Variants in KIZ observed in about 807,000 individuals in gnomAD.
The protein encoded by KIZ is kizuna centrosomal protein.
A neutral mutation model predicts 79.6 loss-of-function variants in KIZ; 68 were observed. That is an observed-to-expected ratio of 0.85 (90% CI 0.70 to 1.05). KIZ has a LOEUF of 1.05. Among genes scored for constraint, KIZ ranks in the 50% least tolerant of loss-of-function variants. The pLI is 0.00. For synonymous variants in KIZ, 280 were observed against 281.8 expected, an observed-to-expected ratio of 0.99 and a Z score of 0.06; for missense variants, 797 against 800.4, an observed-to-expected ratio of 1.00 and a Z score of 0.05.
chr20:21,128,472 A>C (rs978953579), intron 1 of KIZ, among the ~76,000 whole-genome samples: 2 of 151,580 alleles, frequency 1.3e-5, no homozygotes, highest in Admixed American at 1.3e-4. Context: ...ACAAAAAAAA[A>C]CTCCCTCTTT....
chr20:21,158,237 G>C (rs1322849130), intron 4 of KIZ, among the ~76,000 whole-genome samples: 1 of 152,096 alleles, frequency 6.6e-6, no homozygotes, highest in Non-Finnish European at 1.5e-5. Flanking sequence ...ATTCATATTG[G>C]TGAGTCAGAA....
intron 7 of KIZ, among the ~76,000 whole-genome samples, chr20:21,209,569 C>A (rs2035978791): frequency 1.4e-5 from 1 of 73,424 alleles, no homozygotes; most frequent in Admixed American, 1.4e-4. Context: ...ATATGAATAT[C>A]TTCTCATTTA....
intron 6 of KIZ, among the ~76,000 whole-genome samples, 186 bp downstream of exon 6, chr20:21,163,345 C>T (rs1183856484): frequency 6.6e-6 from 1 of 152,000 alleles, no homozygotes; most frequent in African/African-American, 2.4e-5. Flanking sequence ...TCTTTCCTTC[C>T]TCCCTTCCTT....
intron 11 of KIZ, among the ~76,000 whole-genome samples, chr20:21,238,676 A>G (rs1490594221): frequency 6.6e-6 from 1 of 151,548 alleles, no homozygotes; most frequent in Non-Finnish European, 1.5e-5. Context: ...AGCCAACCCC[A>G]CTGTTGCCTT....
At chr20:21,136,322 A>G in intron 2 of KIZ, 68 bp from the exon 3 acceptor site, 1 of 943,576 alleles carries the variant, frequency 1.1e-6, no homozygotes, top group Non-Finnish European at 1.6e-6. Flanking sequence ...ATTTTGATGA[A>G]GAAAATTCCC....
chr20:21,163,235 T>G (rs1473763060), intron 6 of KIZ, 76 bp downstream of exon 6: 1 of 1,000,128 alleles, frequency 1.0e-6, no homozygotes, highest in African/African-American at 1.6e-5. Context: ...CCACTGGGAA[T>G]GTATTATCGA....
chr20:21,232,300 T>C lies in KIZ; in HGVS notation c.1784-434T>C, dbSNP rs77445344. On this transcript the variant is annotated intron_variant, in intron 10 of 12. Transcript: ENST00000619189. Reference sequence around the variant, plus strand: ...TCTTTCTCCTCTGTGGGATGGAAAATAGAGGATTTTACAGAGGGGCTTAAG... The same window carrying C: ...TCTTTCTCCTCTGTGGGATGGAAAACAGAGGATTTTACAGAGGGGCTTAAG... Among the ~76,000 whole-genome samples the C allele has an allele frequency of 7.7e-3, 1,164 of 152,056 alleles. 17 individuals carry two copies. Among genetic ancestry groups the C allele is most frequent in the African/African-American group, 0.027 (1,116 of 41,474 alleles).
intron 6 of KIZ, among the ~76,000 whole-genome samples, chr20:21,176,683 C>T (rs2034450152): frequency 6.6e-6 from 1 of 151,940 alleles, no homozygotes; most frequent in African/African-American, 2.4e-5. Context: ...GATTAATATG[C>T]TAGGGCTCTA....
At chr20:21,178,738 A>G (rs2034533468) in intron 6 of KIZ, among the ~76,000 whole-genome samples, 1 of 152,142 alleles carries the variant, frequency 6.6e-6, no homozygotes, top group Non-Finnish European at 1.5e-5. Flanking sequence ...AAGCTGAGGT[A>G]ATTTCATCCT....
intron 9 of KIZ, among the ~76,000 whole-genome samples, chr20:21,216,101 A>G (rs1232260530): frequency 1.3e-5 from 2 of 152,258 alleles, no homozygotes; most frequent in Admixed American, 6.5e-5. Flanking sequence ...AGCCTGTCTG[A>G]TAATTTAAAA....
intron 6 of KIZ, chr20:21,196,314 C>T (rs2035341342): frequency 6.5e-6 from 1 of 152,674 alleles, no homozygotes; most frequent in Non-Finnish European, 1.5e-5. Flanking sequence ...ATGTCATCTC[C>T]CCTTCTCTCT....
intron 4 of KIZ, chr20:21,148,931 A>G (rs1380689498): frequency 6.6e-6 from 1 of 152,206 alleles, no homozygotes; most frequent in Non-Finnish European, 1.5e-5. Context: ...AGGTGGGAGA[A>G]TGGTTATAAA....
At chr20:21,185,561 C>T (rs1239115414) in intron 6 of KIZ, among the ~76,000 whole-genome samples, 1 of 151,588 alleles carries the variant, frequency 6.6e-6, no homozygotes, top group East Asian at 1.9e-4. Context: ...AGGCAGCCAC[C>T]ACCACACCCG....
intron 6 of KIZ, among the ~76,000 whole-genome samples, chr20:21,171,821 C>T (rs963808163): frequency 2.0e-5 from 3 of 152,226 alleles, no homozygotes; most frequent in Non-Finnish European, 2.9e-5. Flanking sequence ...GGAACTCTCA[C>T]TATGGGAACC....
intron 2 of KIZ, among the ~76,000 whole-genome samples, chr20:21,134,759 C>T (rs899130191): frequency 1.9e-4 from 28 of 149,292 alleles, no homozygotes; most frequent in African/African-American, 5.5e-4. Flanking sequence ...CTCTGCCTCC[C>T]GGGTTCAAGC....
At chr20:21,175,242 A>G (rs1489729897) in intron 6 of KIZ, among the ~76,000 whole-genome samples, 1 of 152,146 alleles carries the variant, frequency 6.6e-6, no homozygotes, top group Non-Finnish European at 1.5e-5. Context: ...TTTTCCTGTT[A>G]GCTCACCTAG....
chr20:21,143,487 A>G (rs980858972), intron 3 of KIZ, among the ~76,000 whole-genome samples: 7 of 152,240 alleles, frequency 4.6e-5, no homozygotes, highest in African/African-American at 1.7e-4. Flanking sequence ...CTTCTGCCAG[A>G]ACCTCCATCA....
intron 6 of KIZ, among the ~76,000 whole-genome samples, chr20:21,202,999 T>C (rs1015961526): frequency 1.3e-5 from 2 of 152,220 alleles, no homozygotes; most frequent in Non-Finnish European, 2.9e-5. Flanking sequence ...CAAATACTTA[T>C]ACATCTAACA....
chr20:21,126,699 TA>T (rs1250378280), intron 1 of KIZ, among the ~76,000 whole-genome samples: 1 of 152,160 alleles, frequency 6.6e-6, no homozygotes, highest in Non-Finnish European at 1.5e-5. Context: ...AGGAGACTTT[TA>T]GGGGTAGCGA....
Sources: gnomAD v4.1 joint callset for allele counts (sites outside exome capture counted in the v4.1 genomes callset) on GRCh38, gnomAD v4.1.1 for gene constraint, MANE v1.5 for transcripts, NCBI Gene and HGNC (gene_info 2026-07-23, HGNC 2026-07-21) for gene names.